The following HBS1L variants were observed in gnomAD, a reference collection of about 807,000 sequenced individuals.
HBS1L encodes the protein HBS1 like translational GTPase.
In HBS1L, 55 loss-of-function variants were observed where a neutral mutation model predicts 88.9. That is an observed-to-expected ratio of 0.62 (90% CI 0.50 to 0.77). The LOEUF is 0.77. Ranked by LOEUF, HBS1L falls within the 30% of genes least tolerant of loss-of-function variation. The pLI, the probability that HBS1L is intolerant of heterozygous loss-of-function variation, is 0.00. For synonymous variants in HBS1L, 267 were observed against 288.5 expected (o/e 0.93, Z 0.76); for missense variants, 741 against 829.3 (o/e 0.89, Z 1.31).
chr6:134,970,385 G>A (rs542557092), intron 15 of HBS1L, among the ~76,000 whole-genome samples: 13 of 152,178 alleles, frequency 8.5e-5, no homozygotes, highest in African/African-American at 2.6e-4. Flanking sequence ...CGACTGCCTC[G>A]GCATCCCAAA....
intron 4 of HBS1L, among the ~76,000 whole-genome samples, chr6:135,033,597 T>A (rs1353157546): frequency 1.3e-5 from 2 of 152,146 alleles, no homozygotes; most frequent in African/African-American, 2.4e-5. Flanking sequence ...CACCCTATAA[T>A]ATCTAATTTT....
At chr6:135,042,990 C>G (rs372011471) in intron 2 of HBS1L, among the ~76,000 whole-genome samples, 5 of 152,172 alleles carry the variant, frequency 3.3e-5, no homozygotes, top group African/African-American at 1.2e-4. Context: ...CTAACTTTAA[C>G]TTTCAGACAT....
At chr6:135,050,005 T>C (rs1169324791) in intron 2 of HBS1L, among the ~76,000 whole-genome samples, 1 of 152,268 alleles carries the variant, frequency 6.6e-6, no homozygotes, top group African/African-American at 2.4e-5. Context: ...CTGGGAAGAA[T>C]ATATCAATGT....
intron 4 of HBS1L, among the ~76,000 whole-genome samples, chr6:135,028,373 A>G (rs990067165): frequency 6.6e-6 from 1 of 152,190 alleles, no homozygotes; most frequent in African/African-American, 2.4e-5. Context: ...ATCTAAAAGA[A>G]TAAGACAATG....
chr6:135,018,210 T>C (rs1291900808), intron 4 of HBS1L, among the ~76,000 whole-genome samples: 2 of 152,074 alleles, frequency 1.3e-5, no homozygotes, highest in Non-Finnish European at 2.9e-5. Flanking sequence ...ACATTTAAAT[T>C]CTAGTTACCA....
intron 3 of HBS1L, among the ~76,000 whole-genome samples, chr6:135,040,691 TCTAAG>T (rs1776707385): frequency 6.6e-6 from 1 of 152,132 alleles, no homozygotes; most frequent in Non-Finnish European, 1.5e-5. Flanking sequence ...TCTGGAATTA[TCTAAG>T]CTGTTTATGA....
intron 15 of HBS1L, among the ~76,000 whole-genome samples, chr6:134,976,008 C>T (rs1032352730): frequency 2.0e-5 from 3 of 152,178 alleles, no homozygotes; most frequent in Admixed American, 1.3e-4. Flanking sequence ...GCAAACTATG[C>T]ATCTGACAGG....
At chr6:135,013,979 T>A (rs1775845508) in intron 4 of HBS1L, among the ~76,000 whole-genome samples, 1 of 152,080 alleles carries the variant, frequency 6.6e-6, no homozygotes, top group African/African-American at 2.4e-5. Flanking sequence ...ACATTTTATA[T>A]CAGGGATTTA....
chr6:135,052,747 G>GCTACT (rs1777128214), intron 1 of HBS1L, among the ~76,000 whole-genome samples: 1 of 152,088 alleles, frequency 6.6e-6, no homozygotes, highest in Non-Finnish European at 1.5e-5. Context: ...TTTACCACAT[G>GCTACT]TAAAGAACAT....
intron 4 of HBS1L, among the ~76,000 whole-genome samples, chr6:135,023,099 T>C (rs1776119776): frequency 6.6e-6 from 1 of 151,980 alleles, no homozygotes. Context: ...TCTTTTTTTT[T>C]TTTAAACTTC....
intron 15 of HBS1L, among the ~76,000 whole-genome samples, chr6:134,974,683 C>G (rs192697924): frequency 6.7e-6 from 1 of 150,192 alleles, no homozygotes; most frequent in South Asian, 2.1e-4. Context: ...TCAATAGATG[C>G]GGAAAAAGCA....
Position 134,986,191 on chromosome 6 carries a change from A to G in HBS1L, c.1306-8T>C. ...AAAACCTACATCACTCTCCTATTAA[A>G]AAGATTGACTTATGAAACTTAATAC... On this transcript the variant is annotated splice_region_variant and splice_polypyrimidine_tract_variant and intron_variant, in intron 10 of 17. Transcript: ENST00000367837. 7.5e-7 allele frequency: 1 copy of G among 1,326,268 alleles called. No individual in the cohort carries two copies. Among genetic ancestry groups the G allele is most frequent in the Non-Finnish European group, 1.1e-6 (1 of 924,126 alleles). The allele number at this position is 1,326,268 out of a possible 1,614,324, so 82.2% of individuals were successfully genotyped here. A position where few individuals can be genotyped will look rare whatever the true frequency, so the allele number is the denominator to read the frequency against.
intron 4 of HBS1L, chr6:135,037,241 T>A (rs1775843650): frequency 6.4e-7 from 1 of 1,551,950 alleles, no homozygotes; most frequent in Non-Finnish European, 8.7e-7. Context: ...CTTAGATCTG[T>A]GAAACTGGCA....
chr6:134,965,558 A>G (rs1774288300), intron 17 of HBS1L, among the ~76,000 whole-genome samples: 1 of 152,238 alleles, frequency 6.6e-6, no homozygotes, highest in Non-Finnish European at 1.5e-5. Context: ...GATGGCAACG[A>G]TATCAGCTAC....
At chr6:135,050,082 G>A (rs1306754298) in intron 2 of HBS1L, among the ~76,000 whole-genome samples, 1 of 152,224 alleles carries the variant, frequency 6.6e-6, no homozygotes, top group African/African-American at 2.4e-5. Context: ...CTCTGATGTG[G>A]AATTATACAG....
At chr6:134,968,765 AAAC>A (rs1363514290) in intron 16 of HBS1L, among the ~76,000 whole-genome samples, 18 of 148,238 alleles carry the variant, frequency 1.2e-4, no homozygotes, top group Admixed American at 2.0e-4. Flanking sequence ...AAAAAAAAAA[AAAC>A]AAACTTTCCA....
chr6:135,036,906 A>T lies in HBS1L; in HGVS notation c.430+2667T>A, dbSNP rs1413161243. 3.9e-6 allele frequency: 6 copies of T among 1,551,656 alleles called. No homozygotes were observed. In the East Asian group the frequency reaches 1.5e-4, roughly 38 times the overall value. On this transcript the variant is annotated intron_variant, in intron 4 of 17. Coordinates refer to ENST00000367837, the MANE Select transcript of HBS1L (RefSeq NM_006620.4). Reference sequence around the variant, plus strand: ...TCCCTAGCTTTGAACTTAGAACTTTAGTTCGTGATGATGGAGCAATGGATG... The same window carrying T: ...TCCCTAGCTTTGAACTTAGAACTTTTGTTCGTGATGATGGAGCAATGGATG...
At chr6:135,004,414 A>G (rs1775552234) in intron 4 of HBS1L, among the ~76,000 whole-genome samples, 1 of 152,144 alleles carries the variant, frequency 6.6e-6, no homozygotes. Context: ...AATATAAATT[A>G]TAATAACTAG....
intron 2 of HBS1L, among the ~76,000 whole-genome samples, chr6:135,042,990 C>T (rs372011471): frequency 1.3e-3 from 199 of 152,290 alleles, no homozygotes; most frequent in African/African-American, 4.4e-3. Context: ...CTAACTTTAA[C>T]TTTCAGACAT....
Sources: gnomAD v4.1 joint callset for allele counts (sites outside exome capture counted in the v4.1 genomes callset) on GRCh38, gnomAD v4.1.1 for gene constraint, MANE v1.5 for transcripts, NCBI Gene and HGNC (gene_info 2026-07-23, HGNC 2026-07-21) for gene names.